The following PCSK5 variants were observed in gnomAD, a reference collection of about 807,000 sequenced individuals.
The protein encoded by PCSK5 is prohormone convertase 5.
PCSK5 carries 129 observed loss-of-function variants against 233.2 expected under a neutral mutation model. The ratio of observed to expected loss-of-function variants is 0.55; its 90% CI spans 0.48 to 0.64. PCSK5 has a LOEUF of 0.64. PCSK5 is among the 30% of genes least tolerant of loss of function. The pLI is 0.00. For missense variants in PCSK5, 2,076 were observed against 2,430.1 expected (o/e 0.85, Z 3.06); for synonymous variants, 825 against 879.2 (o/e 0.94, Z 1.09).
At chr9:75,896,320 C>A (rs1474209483) in intron 1 of PCSK5, among the ~76,000 whole-genome samples, 74 of 152,142 alleles carry the variant, frequency 4.9e-4, no homozygotes, top group Non-Finnish European at 3.2e-4. Flanking sequence ...TGAAAAACTG[C>A]ATTTTTGTGA....
At chr9:75,935,531 C>A (rs997153214) in intron 2 of PCSK5, among the ~76,000 whole-genome samples, 1 of 152,132 alleles carries the variant, frequency 6.6e-6, no homozygotes, top group Non-Finnish European at 1.5e-5. Context: ...CAATAAAAAT[C>A]TGGCTATTAA....
At chr9:75,976,500 C>A (rs956266424) in intron 2 of PCSK5, among the ~76,000 whole-genome samples, 17 of 151,784 alleles carry the variant, frequency 1.1e-4, no homozygotes, top group Admixed American at 1.1e-3. Context: ...AAGTGTCTTG[C>A]CTTTGAGAGA....
chr9:76,352,180 G>A (rs1294166046), intron 36 of PCSK5, among the ~76,000 whole-genome samples: 2 of 152,140 alleles, frequency 1.3e-5, no homozygotes, highest in African/African-American at 4.8e-5. Context: ...CTAAACAAAG[G>A]ATGGATTATT....
chr9:75,968,077 A>T (rs769831016), intron 2 of PCSK5, among the ~76,000 whole-genome samples: 3 of 152,214 alleles, frequency 2.0e-5, no homozygotes, highest in Admixed American at 2.0e-4. Context: ...CCAGCCTTTT[A>T]TAGTTAACTG....
intron 2 of PCSK5, among the ~76,000 whole-genome samples, chr9:75,981,733 C>T (rs560975084): frequency 0.014 from 2,100 of 151,248 alleles, 43 homozygotes; most frequent in African/African-American, 0.046. Flanking sequence ...TTTAAACATT[C>T]TTTTTTTTTG....
intron 5 of PCSK5, among the ~76,000 whole-genome samples, chr9:76,067,107 A>G (rs1004373114): frequency 6.6e-6 from 1 of 152,218 alleles, no homozygotes; most frequent in Non-Finnish European, 1.5e-5. Flanking sequence ...GTTTTAGGCC[A>G]CCGTTTCTAA....
intron 9 of PCSK5, among the ~76,000 whole-genome samples, chr9:76,121,715 A>G (rs952135294): frequency 6.6e-6 from 1 of 151,922 alleles, no homozygotes; most frequent in Non-Finnish European, 1.5e-5. Context: ...GACCCTTGGG[A>G]TCAGAGTTCT....
At chr9:76,143,253 G>A (rs555245706) in intron 10 of PCSK5, among the ~76,000 whole-genome samples, 5 of 152,220 alleles carry the variant, frequency 3.3e-5, no homozygotes, top group African/African-American at 1.2e-4. Flanking sequence ...AGGGGAAGGG[G>A]CAAAAGAGAG....
intron 30 of PCSK5, among the ~76,000 whole-genome samples, chr9:76,319,882 T>A (rs574684299): frequency 6.6e-6 from 1 of 152,288 alleles, no homozygotes; most frequent in Non-Finnish European, 1.5e-5. Context: ...ATCTTTCTTA[T>A]AAGTGCAGAG....
chr9:76,149,392 T>C (rs1823574266), intron 10 of PCSK5, among the ~76,000 whole-genome samples: 1 of 152,330 alleles, frequency 6.6e-6, no homozygotes, highest in South Asian at 2.1e-4. Context: ...AGGCACTCAC[T>C]TGAAATAAAT....
intron 20 of PCSK5, among the ~76,000 whole-genome samples, chr9:76,211,309 G>A (rs1055616543): frequency 2.0e-5 from 3 of 152,046 alleles, no homozygotes; most frequent in African/African-American, 7.3e-5. Flanking sequence ...ATCATCCCTG[G>A]GTATTGCTTT....
At chr9:76,335,625 G>A (rs1197520709) in intron 34 of PCSK5, among the ~76,000 whole-genome samples, 1 of 152,116 alleles carries the variant, frequency 6.6e-6, no homozygotes, top group Non-Finnish European at 1.5e-5. Flanking sequence ...CTTTTAATCT[G>A]TTCCAATAAA....
At chr9:76,325,951 T>C (rs1020874091) in intron 32 of PCSK5, among the ~76,000 whole-genome samples, 1 of 152,114 alleles carries the variant, frequency 6.6e-6, no homozygotes, top group African/African-American at 2.4e-5. Context: ...TTGCACTTTC[T>C]ACCAGACCAA....
chr9:75,925,074 AAATT>A (rs1823423786), intron 1 of PCSK5, among the ~76,000 whole-genome samples: 1 of 152,186 alleles, frequency 6.6e-6, no homozygotes, highest in South Asian at 2.1e-4. Flanking sequence ...TACTATTTTA[AAATT>A]AATTCAATAG....
intron 33 of PCSK5, among the ~76,000 whole-genome samples, chr9:76,330,414 C>T (rs189120729): frequency 6.6e-6 from 1 of 152,152 alleles, no homozygotes; most frequent in African/African-American, 2.4e-5. Flanking sequence ...TTTTCTCCCC[C>T]ACCAGGAGAG....
intron 12 of PCSK5, among the ~76,000 whole-genome samples, chr9:76,166,080 G>A (rs1226392196): frequency 2.0e-5 from 3 of 152,296 alleles, no homozygotes; most frequent in African/African-American, 7.2e-5. Flanking sequence ...ACAACAATGT[G>A]TACTTATAAA....
At chr9:76,031,928 T>C (rs1019213285) in intron 5 of PCSK5, among the ~76,000 whole-genome samples, 1 of 152,148 alleles carries the variant, frequency 6.6e-6, no homozygotes, top group African/African-American at 2.4e-5. Context: ...AGTTAGAAGT[T>C]GAGATAGGTT....
intron 30 of PCSK5, among the ~76,000 whole-genome samples, chr9:76,312,381 T>A (rs1442999374): frequency 6.6e-6 from 1 of 151,978 alleles, no homozygotes; most frequent in Non-Finnish European, 1.5e-5. Flanking sequence ...TGGTGTCATA[T>A]GCCTGTAATC....
At chr9:76,297,037 T>C (rs1828461862) in intron 27 of PCSK5, among the ~76,000 whole-genome samples, 172 bp downstream of exon 27, 1 of 152,080 alleles carries the variant, frequency 6.6e-6, no homozygotes, top group Non-Finnish European at 1.5e-5. Flanking sequence ...ATGCTTGCAG[T>C]AGGAGTGGGT....
Sources: gnomAD v4.1 joint callset for allele counts (sites outside exome capture counted in the v4.1 genomes callset) on GRCh38, gnomAD v4.1.1 for gene constraint, MANE v1.5 for transcripts, NCBI Gene and HGNC (gene_info 2026-07-23, HGNC 2026-07-21) for gene names.